The following HMGCS2 variants were observed in gnomAD, a reference collection of about 807,000 sequenced individuals.
The protein encoded by HMGCS2 is hydroxymethylglutaryl-CoA synthase, mitochondrial.
HMGCS2 carries 50 observed loss-of-function variants against 57.4 expected under a neutral mutation model. That is an observed-to-expected ratio of 0.87 (90% CI 0.69 to 1.10). The LOEUF (loss-of-function observed/expected upper bound fraction) is 1.10. HMGCS2 is among the 50% of genes least tolerant of loss of function. HMGCS2 has a pLI of 0.00. For missense variants in HMGCS2, 627 were observed against 636.5 expected, an observed-to-expected ratio of 0.99 and a Z score of 0.16; for synonymous variants, 254 against 245.1, an observed-to-expected ratio of 1.04 and a Z score of -0.34.
At chr1:119,760,879 T>A (rs1237018802) in intron 2 of HMGCS2, among the ~76,000 whole-genome samples, 1 of 151,982 alleles carries the variant, frequency 6.6e-6, no homozygotes, top group Admixed American at 6.6e-5. Flanking sequence ...ATCCTACAGA[T>A]GAAGAAACTG....
rs1417770076 is a variant in HMGCS2 at position 119,748,795 on chromosome 1, C to T, written c.*52G>A. The T allele has an allele frequency of 6.6e-6, 1 of 152,236 alleles. No individual in the cohort carries two copies. Among genetic ancestry groups the T allele is most frequent in the Non-Finnish European group, 1.5e-5 (1 of 68,048 alleles). The allele number at this position is 152,236 out of a possible 1,614,324, so 9.4% of individuals were successfully genotyped here. A position where few individuals can be genotyped will look rare whatever the true frequency, so the allele number is the denominator to read the frequency against. ...TAAAAATATGATTCACGGGGAGAAG[C>T]TCTGCTAGCATACGTTTCCCAGGAA... On this transcript the variant is annotated 3_prime_UTR_variant, in exon 10 of 10. Transcript: ENST00000369406.
intron 2 of HMGCS2, 41 bp downstream of exon 2, chr1:119,764,131 T>C: frequency 1.3e-6 from 2 of 1,586,236 alleles, no homozygotes; most frequent in Non-Finnish European, 1.7e-6. Flanking sequence ...CAGCCTCCAA[T>C]TCCAGCACCT....
chr1:119,765,808 T>C (rs1653208884), intron 1 of HMGCS2, among the ~76,000 whole-genome samples: 1 of 152,238 alleles, frequency 6.6e-6, no homozygotes, highest in Non-Finnish European at 1.5e-5. Context: ...TACTTTTAAG[T>C]AAGTTTTCTG....
intron 5 of HMGCS2, among the ~76,000 whole-genome samples, chr1:119,756,133 C>T (rs999682308): frequency 6.6e-6 from 1 of 152,152 alleles, no homozygotes; most frequent in Non-Finnish European, 1.5e-5. Context: ...CCTCAAAACA[C>T]CTGATCCATT....
intron 4 of HMGCS2, 102 bp downstream of exon 4, chr1:119,759,013 CATT>C (rs1352745212): frequency 1.8e-6 from 2 of 1,115,432 alleles, no homozygotes; most frequent in African/African-American, 3.1e-5. Context: ...ATTCTCTTGA[CATT>C]ATTTTCAAGG....
At chr1:119,767,330 G>A (rs1653266175) in intron 1 of HMGCS2, among the ~76,000 whole-genome samples, 1 of 152,182 alleles carries the variant, frequency 6.6e-6, no homozygotes, top group South Asian at 2.1e-4. Context: ...CCGCATTTGA[G>A]GCAAACCTTG....
chr1:119,759,330 C>T (rs1652958979), intron 3 of HMGCS2, 48 bp from the exon 4 acceptor site: 3 of 1,576,548 alleles, frequency 1.9e-6, no homozygotes, highest in African/African-American at 1.3e-5. Context: ...TGCAGCCTAC[C>T]TTGAGCACAA....
chr1:119,753,527 T>C (rs1652733829), intron 6 of HMGCS2, 141 bp from the exon 7 acceptor site: 2 of 643,256 alleles, frequency 3.1e-6, no homozygotes, highest in Non-Finnish European at 5.5e-6. Context: ...GTCTACCTCA[T>C]GCAACTAGAA....
Position 119,757,381 on chromosome 1 carries a change from G to A in HMGCS2, c.908C>T (p.Pro303Leu), listed in dbSNP as rs778400323. The A allele has an allele frequency of 1.9e-6, 3 of 1,614,146 alleles. No individual in the cohort carries two copies. Among genetic ancestry groups the A allele is most frequent in the Admixed American group, 3.3e-5 (2 of 60,016 alleles). The change falls in exon 5 of 10, where the codon CCC becomes CTC. Residue 303 changes from proline to leucine, a missense_variant. Pro to Leu is a moderately conservative substitution (Grantham distance 98, BLOSUM62 -3). Transcript: ENST00000369406. ...DDLQYMIFHTPFCKMVQKSLA... is the reference protein window; with the variant it reads ...DDLQYMIFHTLFCKMVQKSLA... Reference sequence around the variant, plus strand: ...AGACTTCTGGACCATCTTGCAAAAGGGTGTATGAAAGATCATGTACTGTAA... The same window carrying A: ...AGACTTCTGGACCATCTTGCAAAAGAGTGTATGAAAGATCATGTACTGTAA...
intron 2 of HMGCS2, among the ~76,000 whole-genome samples, chr1:119,762,405 T>G (rs587690861): frequency 1.2e-4 from 18 of 152,006 alleles, no homozygotes; most frequent in African/African-American, 3.9e-4. Flanking sequence ...CTTTTGTGTA[T>G]GTGTATGTTT....
At chr1:119,767,467 T>C (rs1284543293) in intron 1 of HMGCS2, among the ~76,000 whole-genome samples, 1 of 152,166 alleles carries the variant, frequency 6.6e-6, no homozygotes, top group South Asian at 2.1e-4. Context: ...GGAGACAATA[T>C]GTGAGAAATA....
In HMGCS2 at chr1:119,759,271, T is replaced by C; in HGVS notation, c.697A>G (p.Thr233Ala). ...AAGTCATACACATTCTCCATATGGG[T>C]TCCCCTCAGCCCTGGAAAGGCACAC... ...PLALERGLRG[T>A]HMENVYDFYK... is the part of the protein sequence containing the mutation. The change falls in exon 4 of 10, where the codon ACC becomes GCC. Residue 233 changes from threonine to alanine, a missense_variant. Coordinates refer to ENST00000369406, the MANE Select transcript of HMGCS2 (RefSeq NM_005518.4). 5.6e-6 allele frequency: 9 copies of C among 1,613,770 alleles called. No homozygotes were observed. The highest frequency in any genetic ancestry group is 6.8e-6 in the Non-Finnish European group (8 of 1,179,800).
intron 9 of HMGCS2, among the ~76,000 whole-genome samples, chr1:119,749,199 A>G (rs1571027383): frequency 6.6e-6 from 1 of 152,168 alleles, no homozygotes; most frequent in Non-Finnish European, 1.5e-5. Context: ...GCTCATATTA[A>G]TAATCAACAT....
intron 9 of HMGCS2, among the ~76,000 whole-genome samples, chr1:119,749,849 G>A (rs1172387242): frequency 6.6e-6 from 1 of 152,180 alleles, no homozygotes; most frequent in Non-Finnish European, 1.5e-5. Flanking sequence ...TGAGCATGGA[G>A]ACTGCACTAA....
rs116687245 is a variant in HMGCS2 at position 119,759,788 on chromosome 1, G to T, written c.685+76C>A. 1.2e-3 allele frequency: 1,898 copies of T among 1,554,876 alleles called. 25 individuals are homozygous for T. In the African/African-American group the frequency reaches 0.023, roughly 19 times the overall value. On this transcript the variant is annotated intron_variant, in intron 3 of 9. Transcript: ENST00000369406. ...CGCATACCTCAGCCCTGAGTAGCAG[G>T]TGTGCCAATGTGGGATTAGGATCTA...
chr1:119,754,989 C>T (rs1361498638), intron 6 of HMGCS2, among the ~76,000 whole-genome samples: 1 of 151,996 alleles, frequency 6.6e-6, no homozygotes, highest in Non-Finnish European at 1.5e-5. Flanking sequence ...CTTCCTTTTC[C>T]TGCCTTCTCC....
At position 119,757,275 on chromosome 1, in the gene HMGCS2, G is replaced by A. The variant is rs141213676; in HGVS notation, c.1014C>T (p.Phe338=). ...GGCTCCCCAAGAAGAGAACTCACCC[G>A]AAAGCCTCCAGCCCCTTATATAAGC... ...QTSLYKGLEA[F]GGLKLEDTYT... is the part of the protein sequence containing the mutation. Residue 338 remains phenylalanine, a splice_region_variant and synonymous_variant, in exon 5 of 10, where the codon TTC becomes TTT. Transcript: ENST00000369406. 14 of 1,614,008 alleles carry A rather than the reference G, an allele frequency of 8.7e-6. No homozygotes were observed. The highest frequency in any genetic ancestry group is 1.6e-4 in the Middle Eastern group (1 of 6,084).
chr1:119,768,422 G>A (rs1413105853), intron 1 of HMGCS2, among the ~76,000 whole-genome samples: 1 of 152,220 alleles, frequency 6.6e-6, no homozygotes, highest in East Asian at 1.9e-4. Context: ...AGGGGTGAAG[G>A]TGGGAATGGT....
chr1:119,758,178 G>A (rs1340536801), intron 4 of HMGCS2, among the ~76,000 whole-genome samples: 3 of 152,270 alleles, frequency 2.0e-5, no homozygotes, highest in Admixed American at 1.3e-4. Context: ...GCATGCCTGA[G>A]CAGGCAAGAA....
Sources: gnomAD v4.1 joint callset for allele counts (sites outside exome capture counted in the v4.1 genomes callset) on GRCh38, gnomAD v4.1.1 for gene constraint, MANE v1.5 for transcripts, NCBI Gene and HGNC (gene_info 2026-07-23, HGNC 2026-07-21) for gene names.